The following RIMS2 variants were observed in gnomAD, a reference collection of about 807,000 sequenced individuals.
RIMS2 encodes regulating synaptic membrane exocytosis 2, also known as regulating synaptic membrane exocytosis protein 2.
A neutral mutation model predicts 174.4 loss-of-function variants in RIMS2; 59 were observed. The observed-to-expected ratio is 0.34, with a 90% CI of 0.27 to 0.42. The LOEUF is 0.42. Among genes scored for constraint, RIMS2 ranks in the 10% least tolerant of loss-of-function variants. The pLI is 1.00. For synonymous variants in RIMS2, 606 were observed against 572.5 expected (o/e 1.06, Z -0.84); for missense variants, 1,620 against 1,666.3 (o/e 0.97, Z 0.48).
intron 4 of RIMS2, among the ~76,000 whole-genome samples, chr8:103,905,627 A>C (rs2074210558): frequency 6.7e-6 from 1 of 148,592 alleles, no homozygotes; most frequent in Non-Finnish European, 1.5e-5. Context: ...CTTTGGCCAA[A>C]TTTGGGAAAT....
intron 17 of RIMS2, among the ~76,000 whole-genome samples, chr8:104,007,649 A>G (rs4440603): frequency 3.5e-4 from 53 of 152,324 alleles, no homozygotes; most frequent in Admixed American, 1.8e-3. Flanking sequence ...TTCAACATCT[A>G]TACCATCTCT....
intron 20 of RIMS2, among the ~76,000 whole-genome samples, chr8:104,245,438 T>TA (rs1443994802): frequency 6.6e-6 from 1 of 152,144 alleles, no homozygotes; most frequent in Non-Finnish European, 1.5e-5. Flanking sequence ...GAATTATTGC[T>TA]AAAAAATATG....
chr8:103,675,002 A>G (rs2096790068), intron 1 of RIMS2, among the ~76,000 whole-genome samples: 16 of 152,068 alleles, frequency 1.1e-4, no homozygotes, highest in Admixed American at 1.0e-3. Flanking sequence ...TAAACTACTG[A>G]AAAGATTAAA....
In RIMS2 at chr8:103,993,286, T is replaced by A. The variant is rs143287379; in HGVS notation, c.3044+3865T>A. ...ATTAGATGCATTTATTTCCATGGAG[T>A]GTACTTTTAGCATCATAAGAATACA... On this transcript the variant is annotated intron_variant, in intron 17 of 23. Coordinates refer to ENST00000504942, the Ensembl canonical transcript of RIMS2. Among the ~76,000 whole-genome samples the A allele has an allele frequency of 3.4e-4, 51 of 152,230 alleles. 1 individual carries two copies. The East Asian group carries it at 8.7e-3, about 26-fold the overall frequency.
chr8:103,680,447 T>A (rs939294740), intron 1 of RIMS2, among the ~76,000 whole-genome samples: 6 of 152,000 alleles, frequency 3.9e-5, no homozygotes, highest in Middle Eastern at 3.2e-3. Context: ...CCACAGAAAT[T>A]TTTGGTGCCT....
intron 3 of RIMS2, among the ~76,000 whole-genome samples, chr8:103,839,369 A>G (rs1393415585): frequency 6.6e-6 from 1 of 152,158 alleles, no homozygotes; most frequent in Non-Finnish European, 1.5e-5. Flanking sequence ...AATTTTGATT[A>G]TGTCAGGCAG....
chr8:104,078,908 T>C (rs2097352223), intron 19 of RIMS2, among the ~76,000 whole-genome samples: 1 of 152,216 alleles, frequency 6.6e-6, no homozygotes, highest in Non-Finnish European at 1.5e-5. Context: ...GTCTTAGCCA[T>C]GAAAACCACA....
chr8:103,894,773 G>A (rs2099267771), intron 4 of RIMS2, among the ~76,000 whole-genome samples: 1 of 151,456 alleles, frequency 6.6e-6, no homozygotes, highest in Non-Finnish European at 1.5e-5. Flanking sequence ...GTGGAAGTTT[G>A]TCTTCATTGT....
chr8:103,869,965 G>T (rs2099102611), intron 3 of RIMS2, among the ~76,000 whole-genome samples: 1 of 152,116 alleles, frequency 6.6e-6, no homozygotes. Flanking sequence ...CTTTATCTCT[G>T]TTCAGACATG....
intron 3 of RIMS2, among the ~76,000 whole-genome samples, chr8:103,803,009 C>T (rs1481945628): frequency 6.6e-6 from 1 of 152,028 alleles, no homozygotes; most frequent in African/African-American, 2.4e-5. Context: ...ATTTTTTACT[C>T]ATTTACATTG....
Position 103,789,301 on chromosome 8 carries a change from G to A in RIMS2, c.698+22764G>A, listed in dbSNP as rs539349032. On this transcript the variant is annotated intron_variant, in intron 3 of 23. Transcript: ENST00000504942. The stretch of plus-strand genomic sequence containing the variant: ...CGGCCATCTTGGCTCCTCCCCAGCA[G>A]TTTGTTTTTTCAAAGCCAGTAGAGG... Among the ~76,000 whole-genome samples, 18 of 152,174 alleles carry A rather than the reference G, an allele frequency of 1.2e-4. No homozygotes were observed. The South Asian group carries it at 3.3e-3, about 28-fold the overall frequency.
chr8:103,992,274 A>AATTTTTTTTTTTTTTTTTTTT (rs1565726059), intron 17 of RIMS2, among the ~76,000 whole-genome samples: 1 of 107,106 alleles, frequency 9.3e-6, no homozygotes. Context: ...ATGTCCAGCT[A>AATTTTTTTTTTTTTTTTTTTT]TTTTTTTTTT....
At chr8:103,874,700 A>G (rs778623049) in intron 3 of RIMS2, among the ~76,000 whole-genome samples, 1 of 152,104 alleles carries the variant, frequency 6.6e-6, no homozygotes, top group African/African-American at 2.4e-5. Flanking sequence ...ACATATCCAC[A>G]TTTAAAAGAA....
rs190475340 is a variant in RIMS2 at position 103,986,641 on chromosome 8, A to C, written c.2928-2664A>C. Among the ~76,000 whole-genome samples the C allele has an allele frequency of 2.0e-3, 306 of 152,186 alleles. 2 individuals are homozygous for C. Among genetic ancestry groups the C allele is most frequent in the Admixed American group, 5.0e-3 (76 of 15,260 alleles). ...AATATTAAAATTGACACAAGAAGAAATGAAAGTTAAAATAACAACTAGTGT... is the reference window on the plus strand; with the variant it reads ...AATATTAAAATTGACACAAGAAGAACTGAAAGTTAAAATAACAACTAGTGT... On this transcript the variant is annotated intron_variant, in intron 16 of 23. Coordinates refer to ENST00000504942, the Ensembl canonical transcript of RIMS2.
intron 1 of RIMS2, among the ~76,000 whole-genome samples, chr8:103,577,458 G>A (rs1475705943): frequency 6.6e-6 from 1 of 152,136 alleles, no homozygotes; most frequent in South Asian, 2.1e-4. Context: ...ACACGCCGGG[G>A]CCTGTCAGGG....
At chr8:103,637,265 G>C (rs1439630352) in intron 1 of RIMS2, among the ~76,000 whole-genome samples, 2 of 152,218 alleles carry the variant, frequency 1.3e-5, no homozygotes, top group Non-Finnish European at 2.9e-5. Flanking sequence ...AGTCCATCTA[G>C]TCTGGAGTGC....
intron 4 of RIMS2, among the ~76,000 whole-genome samples, chr8:103,891,765 A>G (rs1259269716): frequency 3.3e-5 from 5 of 152,116 alleles, no homozygotes; most frequent in Non-Finnish European, 5.9e-5. Context: ...AATTAGCACA[A>G]CACACTTTTA....
intron 19 of RIMS2, among the ~76,000 whole-genome samples, chr8:104,086,033 G>T (rs2097531407): frequency 1.3e-5 from 2 of 152,036 alleles, no homozygotes; most frequent in African/African-American, 2.4e-5. Flanking sequence ...ATAGTTAAAA[G>T]AAGGCTAAAG....
intron 19 of RIMS2, among the ~76,000 whole-genome samples, chr8:104,219,881 T>G (rs1182703652): frequency 6.6e-6 from 1 of 152,168 alleles, no homozygotes; most frequent in Non-Finnish European, 1.5e-5. Context: ...TTTCAATCTT[T>G]TATCAGTAGT....
Sources: gnomAD v4.1 joint callset for allele counts (sites outside exome capture counted in the v4.1 genomes callset) on GRCh38, gnomAD v4.1.1 for gene constraint, MANE v1.5 for transcripts, NCBI Gene and HGNC (gene_info 2026-07-23, HGNC 2026-07-21) for gene names.